Variants in AGBL1 observed in about 807,000 individuals in gnomAD.
The protein encoded by AGBL1 is cytosolic carboxypeptidase 4.
AGBL1 carries 130 observed loss-of-function variants against 118.9 expected under a neutral mutation model. That is an observed-to-expected ratio of 1.09 (90% confidence interval 0.95 to 1.26). The LOEUF is 1.26. AGBL1 is among the 50% of genes most tolerant of loss of function. The pLI is 0.00. For missense variants in AGBL1, 1,584 were observed against 1,298.1 expected, an observed-to-expected ratio of 1.22 and a Z score of -3.38; for synonymous variants, 555 against 478.9, an observed-to-expected ratio of 1.16 and a Z score of -2.08.
chr15:86,305,616 A>G (rs1263558487), intron 17 of AGBL1, among the ~76,000 whole-genome samples: 3 of 152,228 alleles, frequency 2.0e-5, no homozygotes, highest in African/African-American at 7.2e-5. Flanking sequence ...CATAAATTAG[A>G]GTTAGAAATG....
chr15:86,123,696 A>G (rs969713787), intron 1 of AGBL1, among the ~76,000 whole-genome samples: 1 of 152,224 alleles, frequency 6.6e-6, no homozygotes, highest in Admixed American at 6.5e-5. Context: ...GACCAAACCA[A>G]TGTATATCTT....
In AGBL1 at chr15:86,914,299, C is replaced by T. The variant is rs1018129280; in HGVS notation, c.*7005C>T. 1 of 152,218 alleles carries T rather than the reference C, an allele frequency of 6.6e-6. No individual in the cohort carries two copies. Among genetic ancestry groups the T allele is most frequent in the Non-Finnish European group, 1.5e-5 (1 of 68,046 alleles). The allele number at this position is 152,218 out of a possible 1,614,324, so 9.4% of individuals were successfully genotyped here. A position where few individuals can be genotyped will look rare whatever the true frequency, so the allele number is the denominator to read the frequency against. On this transcript the variant is annotated 3_prime_UTR_variant, in exon 23 of 23. Transcript: ENST00000614907. Reference sequence around the variant, plus strand: ...TGGGAGGTATTAGAGGAGGAAAAATCTGCCTGTGTTTCTGCTCTGCTCAGA... The same window carrying T: ...TGGGAGGTATTAGAGGAGGAAAAATTTGCCTGTGTTTCTGCTCTGCTCAGA...
intron 19 of AGBL1, among the ~76,000 whole-genome samples, chr15:86,526,256 C>G (rs1377621461): frequency 6.6e-6 from 1 of 152,022 alleles, no homozygotes; most frequent in African/African-American, 2.4e-5. Context: ...TGCTTATACA[C>G]TACCAATGGG....
At chr15:86,209,130 G>T (rs1273310252) in intron 5 of AGBL1, among the ~76,000 whole-genome samples, 1 of 152,206 alleles carries the variant, frequency 6.6e-6, no homozygotes. Flanking sequence ...GTGGTTTTGA[G>T]TGAGTTTCTT....
intron 22 of AGBL1, among the ~76,000 whole-genome samples, chr15:86,718,420 A>G (rs548703134): frequency 6.0e-4 from 92 of 152,242 alleles, no homozygotes; most frequent in Non-Finnish European, 1.1e-3. Context: ...TAGCATTAGG[A>G]GGTATATCTA....
At chr15:86,283,154 A>G (rs1475169346) in intron 16 of AGBL1, among the ~76,000 whole-genome samples, 1 of 152,204 alleles carries the variant, frequency 6.6e-6, no homozygotes, top group East Asian at 1.9e-4. Flanking sequence ...TCAAGTTATC[A>G]GTAATTGTAA....
intron 22 of AGBL1, among the ~76,000 whole-genome samples, chr15:86,835,445 G>C (rs946694445): frequency 2.6e-5 from 4 of 152,144 alleles, no homozygotes; most frequent in Non-Finnish European, 5.9e-5. Flanking sequence ...TACTCAGTGA[G>C]AGTAAGTAAA....
At chr15:86,641,093 T>G (rs1368167998) in intron 21 of AGBL1, among the ~76,000 whole-genome samples, 3 of 152,144 alleles carry the variant, frequency 2.0e-5, no homozygotes, top group Non-Finnish European at 2.9e-5. Flanking sequence ...ATAAAAGATC[T>G]TTAATAGCTT....
At chr15:86,924,043 C>A (rs574962315) in intron 23 of AGBL1, among the ~76,000 whole-genome samples, 2 of 152,186 alleles carry the variant, frequency 1.3e-5, no homozygotes, top group Admixed American at 6.5e-5. Flanking sequence ...AATTATTTTA[C>A]TTCATTTGCC....
intron 21 of AGBL1, among the ~76,000 whole-genome samples, chr15:86,653,087 A>G (rs1208401629): frequency 6.6e-6 from 1 of 152,216 alleles, no homozygotes; most frequent in Non-Finnish European, 1.5e-5. Context: ...TTCACGAAAG[A>G]TTAGTTCACC....
At chr15:86,650,091 T>C (rs1306486216) in intron 21 of AGBL1, among the ~76,000 whole-genome samples, 1 of 152,196 alleles carries the variant, frequency 6.6e-6, no homozygotes, top group East Asian at 1.9e-4. Context: ...CTACAGCATA[T>C]ATATCTAGTT....
intron 22 of AGBL1, among the ~76,000 whole-genome samples, chr15:86,702,694 C>T (rs1024031211): frequency 6.6e-6 from 1 of 152,102 alleles, no homozygotes; most frequent in African/African-American, 2.4e-5. Flanking sequence ...TCTTTTCTCC[C>T]TTTATTTCCT....
intron 21 of AGBL1, among the ~76,000 whole-genome samples, chr15:86,612,252 A>T (rs1401370256): frequency 2.6e-5 from 4 of 152,150 alleles, no homozygotes; most frequent in South Asian, 2.1e-4. Flanking sequence ...AAGCCCCTGA[A>T]GGGTAGCACA....
At chr15:86,827,047 G>A (rs1452081231) in intron 22 of AGBL1, among the ~76,000 whole-genome samples, 2 of 151,376 alleles carry the variant, frequency 1.3e-5, no homozygotes, top group Non-Finnish European at 2.9e-5. Flanking sequence ...CAATGTCATT[G>A]CAAGTACATG....
At chr15:86,479,385 A>G (rs946634852) in intron 18 of AGBL1, among the ~76,000 whole-genome samples, 2 of 152,258 alleles carry the variant, frequency 1.3e-5, no homozygotes, top group Non-Finnish European at 2.9e-5. Flanking sequence ...CAAATTTAGA[A>G]GAAGAAAAAC....
intron 21 of AGBL1, among the ~76,000 whole-genome samples, chr15:86,643,607 A>T (rs1268939094): frequency 6.6e-6 from 1 of 152,116 alleles, no homozygotes; most frequent in Non-Finnish European, 1.5e-5. Flanking sequence ...AGAACTGATT[A>T]TTGGATTTAC....
chr15:86,522,537 C>T (rs200068254), intron 18 of AGBL1, among the ~76,000 whole-genome samples: 1 of 152,174 alleles, frequency 6.6e-6, no homozygotes, highest in Non-Finnish European at 1.5e-5. Context: ...TAATGGGGAA[C>T]TACATTTTCC....
intron 15 of AGBL1, among the ~76,000 whole-genome samples, chr15:86,276,805 G>A (rs961585021): frequency 6.6e-6 from 1 of 152,176 alleles, no homozygotes; most frequent in Non-Finnish European, 1.5e-5. Context: ...AACATCACTC[G>A]ATATGTCCAC....
rs557750249 is a variant in AGBL1 at position 86,362,649 on chromosome 15, T to C, written c.2375-34717T>C. On this transcript the variant is annotated intron_variant, in intron 17 of 22. Transcript: ENST00000614907. ...TCAGGTCTGCTTAAGTCTCCATAGC[T>C]GAGACTGAGGTGGGAGGGCCTGCCA... Among the ~76,000 whole-genome samples the C allele has an allele frequency of 1.4e-4, 22 of 152,226 alleles. No individual in the cohort carries two copies. The East Asian group carries it at 4.1e-3, about 28-fold the overall frequency.
Sources: gnomAD v4.1 joint callset for allele counts (sites outside exome capture counted in the v4.1 genomes callset) on GRCh38, gnomAD v4.1.1 for gene constraint, MANE v1.5 for transcripts, NCBI Gene and HGNC (gene_info 2026-07-23, HGNC 2026-07-21) for gene names.